The following FGF13 variants were observed in gnomAD, a reference collection of about 807,000 sequenced individuals.
FGF13 encodes fibroblast growth factor homologous factor 2.
In FGF13, 2 loss-of-function variants were observed where a neutral mutation model predicts 19.5. That is an observed-to-expected ratio of 0.10 (90% confidence interval 0.04 to 0.32). The LOEUF (loss-of-function observed/expected upper bound fraction) is 0.32, where lower values mean the gene tolerates loss of function less well. FGF13 is among the 10% of genes least tolerant of loss of function. The pLI, the probability that FGF13 is intolerant of heterozygous loss-of-function variation, is 1.00. For synonymous variants in FGF13, 72 were observed against 76.9 expected (o/e 0.94, Z 0.33); for missense variants, 113 against 192.7 (o/e 0.59, Z 2.45).
chrX:138,894,824 C>A (rs1438418419), intron 1 of FGF13, among the ~76,000 whole-genome samples: 1 of 111,841 alleles, frequency 8.9e-6, no homozygotes, highest in Non-Finnish European at 1.9e-5. Flanking sequence ...AGGCCAGCAA[C>A]ATCCTGATAC....
At chrX:139,173,518 C>T (rs1280244053) in intron 1 of FGF13, among the ~76,000 whole-genome samples, 9 of 110,646 alleles carry the variant, frequency 8.1e-5, no homozygotes, top group Non-Finnish European at 1.1e-4. Context: ...CCGTCATCTA[C>T]ATTAGGTATT....
chrX:138,976,110 C>T (rs548172838), intron 1 of FGF13, among the ~76,000 whole-genome samples: 18 of 111,624 alleles, frequency 1.6e-4, no homozygotes, highest in Admixed American at 3.8e-4. Flanking sequence ...TTTTGTTATG[C>T]GCTGGACTCG....
intron 3 of FGF13, among the ~76,000 whole-genome samples, chrX:138,779,014 C>A (rs1411506230): frequency 8.9e-6 from 1 of 112,235 alleles, no homozygotes; most frequent in Admixed American, 9.4e-5. Context: ...GACTCCTGAC[C>A]CCAGAGCAGC....
At chrX:139,054,770 T>C (rs1035806328) in intron 1 of FGF13, among the ~76,000 whole-genome samples, 4 of 111,663 alleles carry the variant, frequency 3.6e-5, no homozygotes, top group African/African-American at 1.3e-4. Context: ...TTTGTAGTTT[T>C]CCTTGTAGTT....
intron 1 of FGF13, among the ~76,000 whole-genome samples, chrX:138,929,854 C>CTGTG (rs577806507): frequency 0.013 from 1,279 of 96,238 alleles, 14 homozygotes; most frequent in Middle Eastern, 0.026. Flanking sequence ...ACTGCCTTAG[C>CTGTG]TGTGTGTGTG....
At position 138,681,098 on chromosome X, in the gene FGF13, C is replaced by T. The variant is rs111760636; in HGVS notation, c.402+21886G>A. ...CTGAGGCAGGAGAATCTCTTGAACC[C>T]GGGAGGCAGAGGTTGCAGCGAGCCA... On this transcript the variant is annotated intron_variant, in intron 3 of 4. Transcript: ENST00000315930. Among the ~76,000 whole-genome samples the T allele has an allele frequency of 6.3e-3, 663 of 104,777 alleles. 2 individuals are homozygous for T. The highest frequency in any genetic ancestry group is 0.025 in the Middle Eastern group (5 of 200). The allele number at this position is 104,777 out of a possible 115,157, so 91.0% of individuals were successfully genotyped here.
At chrX:138,872,879 G>C (rs1350703151) in intron 1 of FGF13, among the ~76,000 whole-genome samples, 1 of 111,349 alleles carries the variant, frequency 9.0e-6, no homozygotes, top group African/African-American at 3.3e-5. Context: ...TTTGTAGGGG[G>C]AGGGCCTTTG....
At chrX:139,005,193 G>GGCCCC (rs2092095550) in intron 1 of FGF13, among the ~76,000 whole-genome samples, 2 of 24,670 alleles carry the variant, frequency 8.1e-5, no homozygotes, top group Non-Finnish European at 1.1e-4. Context: ...TTGTGTCACT[G>GGCCCC]CCCCCCCCCC....
At chrX:139,173,457 G>C (rs186850614) in intron 1 of FGF13, among the ~76,000 whole-genome samples, 4 of 110,312 alleles carry the variant, frequency 3.6e-5, no homozygotes, top group African/African-American at 1.3e-4. Flanking sequence ...GAACGTGCAG[G>C]TTTGTTACAC....
At chrX:139,145,081 A>C (rs1225848431) in intron 1 of FGF13, among the ~76,000 whole-genome samples, 2 of 111,980 alleles carry the variant, frequency 1.8e-5, no homozygotes, top group African/African-American at 6.5e-5. Flanking sequence ...AATCTCTTTA[A>C]TGTCTGGGTT....
chrX:138,889,710 T>A (rs181205819), intron 1 of FGF13, among the ~76,000 whole-genome samples: 147 of 111,444 alleles, frequency 1.3e-3, no homozygotes, highest in Admixed American at 2.9e-3. Flanking sequence ...CTCATTCATA[T>A]GCCAGAGCAA....
At chrX:139,134,045 C>G (rs762539917) in intron 1 of FGF13, among the ~76,000 whole-genome samples, 8 of 111,441 alleles carry the variant, frequency 7.2e-5, no homozygotes, top group Non-Finnish European at 1.5e-4. Flanking sequence ...ATATTCTTAA[C>G]AACTTTGCCT....
chrX:139,019,513 C>T (rs2092168302), intron 1 of FGF13, among the ~76,000 whole-genome samples: 1 of 110,938 alleles, frequency 9.0e-6, no homozygotes. Context: ...AAGTCAAAAA[C>T]TAAAACATGG....
intron 1 of FGF13, among the ~76,000 whole-genome samples, chrX:138,952,289 C>T (rs1451288520): frequency 9.0e-6 from 1 of 111,612 alleles, no homozygotes; most frequent in Non-Finnish European, 1.9e-5. Flanking sequence ...CTACAACCAT[C>T]TGATCTTTGA....
rs2089077126 is a variant in FGF13, at chrX:138,627,630, C to CAT, written c.*5219_*5220insAT. The CAT allele has an allele frequency of 2.3e-5, 2 of 88,545 alleles. No homozygotes were observed. The highest frequency in any genetic ancestry group is 2.5e-4 in the Admixed American group (2 of 7,873). The allele number at this position is 88,545 out of a possible 1,213,427, so 7.3% of individuals were successfully genotyped here. ...GTGTGTGTGTGTGTGTGTGTGTGCG[C>CAT]GTGTGTGTGTGTGTGTGTGTGAAGT... On this transcript the variant is annotated 3_prime_UTR_variant, in exon 5 of 5. Coordinates refer to ENST00000315930, the MANE Select transcript of FGF13 (RefSeq NM_004114.5).
intron 3 of FGF13, among the ~76,000 whole-genome samples, chrX:138,805,964 G>A (rs1054171039): frequency 4.5e-5 from 5 of 111,526 alleles, no homozygotes; most frequent in African/African-American, 1.6e-4. Flanking sequence ...CATCTAGTTC[G>A]TCTTTGTGAC....
At chrX:138,785,726 C>T (rs992018827) in intron 3 of FGF13, among the ~76,000 whole-genome samples, 1 of 111,910 alleles carries the variant, frequency 8.9e-6, no homozygotes. Context: ...TAAATGACCT[C>T]GGCCTCATTC....
intron 3 of FGF13, among the ~76,000 whole-genome samples, chrX:138,841,659 C>T (rs1018471360): frequency 2.0e-4 from 22 of 111,084 alleles, no homozygotes; most frequent in African/African-American, 7.2e-4. Flanking sequence ...AGATAAACCA[C>T]AATTGCTTTT....
chrX:139,153,696 C>T (rs1441327710), intron 1 of FGF13, among the ~76,000 whole-genome samples: 1 of 111,719 alleles, frequency 9.0e-6, no homozygotes, highest in African/African-American at 3.3e-5. Context: ...TCCCAAGTAC[C>T]TGTGAATGTG....
Sources: allele counts gnomAD v4.1 joint callset (sites outside exome capture counted in the v4.1 genomes callset), GRCh38; gene constraint gnomAD v4.1.1; transcripts MANE v1.5; gene names NCBI Gene and HGNC (gene_info 2026-07-23, HGNC 2026-07-21).